DNAH5: variants seen among roughly 807,000 people sequenced by gnomAD.
DNAH5 encodes the protein dynein axonemal heavy chain 5, also known as axonemal beta dynein heavy chain 5.
Under a neutral mutation model 518.2 loss-of-function variants are expected in DNAH5, and 372 were observed. That is an observed-to-expected ratio of 0.72 (90% CI 0.66 to 0.78). The LOEUF (loss-of-function observed/expected upper bound fraction) is 0.78, where lower values mean the gene tolerates loss of function less well. Ranked by LOEUF, DNAH5 falls within the 30% of genes least tolerant of loss-of-function variation. The pLI is 0.00. For missense variants in DNAH5, 5,523 were observed against 5,687.0 expected (o/e 0.97, Z 0.93); for synonymous variants, 2,039 against 2,025.9 (o/e 1.01, Z -0.17).
intron 41 of DNAH5, among the ~76,000 whole-genome samples, chr5:13,818,093 A>ATT (rs1268034471): frequency 6.6e-6 from 1 of 152,122 alleles, no homozygotes; most frequent in Non-Finnish European, 1.5e-5. Context: ...ATCAGCTTTG[A>ATT]TTTGTGTTAT....
rs141369170 is a variant in DNAH5, at chr5:13,830,703, G to T, written c.5955C>A (p.Gly1985=). ...GGAPAGPAGT[G]KTETTKDMGR... is the part of the protein sequence containing the mutation. The stretch of plus-strand genomic sequence containing the variant: ...CCATGTCTTTAGTGGTTTCTGTTTT[G>T]CCTGTGCCTGCAGGTCCAGCAGGGG... The change falls in exon 36 of 79, where the codon GGC becomes GGA. Residue 1985 remains glycine (G), a synonymous_variant. Coordinates refer to ENST00000265104, the MANE Select transcript of DNAH5 (RefSeq NM_001369.3). The T allele has an allele frequency of 1.9e-6, 3 of 1,613,986 alleles. No homozygotes were observed. In the African/African-American group the frequency reaches 4.0e-5, roughly 22 times the overall value.
chr5:13,914,739 A>G, intron 9 of DNAH5, 97 bp from the exon 10 acceptor site: 1 of 1,242,900 alleles, frequency 8.0e-7, no homozygotes, highest in African/African-American at 1.5e-5. Flanking sequence ...CTCAGAGTTC[A>G]CAATCTTCTA....
intron 29 of DNAH5, among the ~76,000 whole-genome samples, chr5:13,859,848 T>C (rs1297664139): frequency 1.3e-5 from 2 of 151,946 alleles, no homozygotes; most frequent in Non-Finnish European, 2.9e-5. Flanking sequence ...ATCTAAGGAG[T>C]AGATCAGGCA....
intron 47 of DNAH5, among the ~76,000 whole-genome samples, chr5:13,800,318 T>G (rs2126953954): frequency 6.6e-6 from 1 of 152,326 alleles, no homozygotes; most frequent in East Asian, 1.9e-4. Context: ...ACTGTATACT[T>G]GGACATCTGA....
intron 1 of DNAH5, among the ~76,000 whole-genome samples, chr5:13,972,926 T>C (rs1428766297): frequency 1.3e-5 from 2 of 152,288 alleles, no homozygotes; most frequent in South Asian, 2.1e-4. Context: ...CTGGGCAACA[T>C]AGCAAGACCC....
chr5:13,813,457 G>GAAAAA (rs374318289), intron 43 of DNAH5, among the ~76,000 whole-genome samples: 2 of 136,756 alleles, frequency 1.5e-5, no homozygotes, highest in Non-Finnish European at 3.1e-5. Context: ...GCACTTAAAA[G>GAAAAA]AAAAAAAAAA....
At position 13,820,479 on chromosome 5, in the gene DNAH5, G is replaced by A. The variant is rs1218457426; in HGVS notation, c.6708C>T (p.Ile2236=). The change falls in exon 41 of 79, where the codon ATC becomes ATT. Residue 2236 remains isoleucine (I), a synonymous_variant. Transcript: ENST00000265104. ...ISRQVEEAGL[I]NHPPWKLKVI... ...CCTTCAGTTTCCAAGGAGGATGGTTGATTAAACCAGCTTCTTCAACCTGAA... is the reference window on the plus strand; with the variant it reads ...CCTTCAGTTTCCAAGGAGGATGGTTAATTAAACCAGCTTCTTCAACCTGAA... 2 of 1,614,048 alleles carry A rather than the reference G, an allele frequency of 1.2e-6. No homozygotes were observed. Among genetic ancestry groups the A allele is most frequent in the Non-Finnish European group, 1.7e-6 (2 of 1,180,026 alleles).
chr5:13,714,910 G>T (rs1281872281), intron 74 of DNAH5, among the ~76,000 whole-genome samples: 1 of 152,168 alleles, frequency 6.6e-6, no homozygotes, highest in Non-Finnish European at 1.5e-5. Context: ...TAGAAAGGGA[G>T]CTGTGGATTG....
intron 35 of DNAH5, 59 bp downstream of exon 35, chr5:13,839,297 T>C: frequency 1.9e-6 from 3 of 1,542,160 alleles, no homozygotes; most frequent in Non-Finnish European, 2.7e-6. Context: ...TAAGCAAAAA[T>C]CCCCTGAGCA....
In DNAH5 at chr5:13,940,443, A is replaced by C. The variant is rs539010439; in HGVS notation, c.57+3939T>G. On this transcript the variant is annotated intron_variant, in intron 1 of 78. Transcript: ENST00000265104. Reference sequence around the variant, plus strand: ...TATATAATATGTCACCATTCACGTTATATATGGCACAGGAGTGGAATTCCA... The same window carrying C: ...TATATAATATGTCACCATTCACGTTCTATATGGCACAGGAGTGGAATTCCA... 3.4e-3 allele frequency among the ~76,000 whole-genome samples: 518 copies of C among 152,314 alleles called. 4 individuals carry two copies. Among genetic ancestry groups the C allele is most frequent in the Middle Eastern group, 0.01 (3 of 294 alleles).
In DNAH5 at chr5:13,776,546, G is replaced by A. The variant is rs759831156; in HGVS notation, c.9266C>T (p.Ser3089Leu). Residue 3089 changes from serine (S) to leucine (L), a missense_variant, in exon 55 of 79, where the codon TCG becomes TTG. By Grantham distance (145) the Ser-to-Leu change is moderately radical. Coordinates refer to ENST00000265104, the MANE Select transcript of DNAH5 (RefSeq NM_001369.3). ...RQNLHIVLCF[S>L]PVGEKFRNRA... The stretch of plus-strand genomic sequence containing the variant: ...GTTTCGAAATTTCTCCCCCACTGGC[G>A]AGAAGCAGAGCACAATATGAAGGTT... 6.8e-6 allele frequency: 11 copies of A among 1,613,772 alleles called. No individual in the cohort carries two copies. Among genetic ancestry groups the A allele is most frequent in the Middle Eastern group, 1.6e-4 (1 of 6,080 alleles).
At chr5:13,872,475 G>T (rs4701996) in intron 22 of DNAH5, among the ~76,000 whole-genome samples, 27,825 of 152,092 alleles carry the variant, frequency 0.18, 3,166 homozygotes, top group South Asian at 0.31. Flanking sequence ...AGAGACCCCA[G>T]ATACTTCTTA....
intron 21 of DNAH5, among the ~76,000 whole-genome samples, chr5:13,880,960 C>T (rs540000567): frequency 4.6e-5 from 7 of 151,806 alleles, no homozygotes; most frequent in Non-Finnish European, 5.9e-5. Flanking sequence ...CCTTAAAGTT[C>T]ACTCACAGAT....
intron 1 of DNAH5, among the ~76,000 whole-genome samples, chr5:13,953,596 C>G (rs974840626): frequency 7.9e-5 from 12 of 152,188 alleles, no homozygotes; most frequent in Admixed American, 2.0e-4. Flanking sequence ...ATAGCCCTTA[C>G]TTGGTGATTC....
chr5:13,966,257 G>A (rs1352654008), intron 1 of DNAH5, among the ~76,000 whole-genome samples: 11 of 151,880 alleles, frequency 7.2e-5, no homozygotes, highest in South Asian at 2.1e-4. Flanking sequence ...TTATCCACTC[G>A]TCAATTGATG....
At chr5:13,927,312 T>G (rs1777984916) in intron 3 of DNAH5, among the ~76,000 whole-genome samples, 1 of 152,090 alleles carries the variant, frequency 6.6e-6, no homozygotes, top group Admixed American at 6.5e-5. Flanking sequence ...GCCAACATGC[T>G]GAAACCCCGT....
chr5:13,951,773 C>G (rs1780433722), intron 1 of DNAH5, among the ~76,000 whole-genome samples: 1 of 152,094 alleles, frequency 6.6e-6, no homozygotes, highest in Admixed American at 6.5e-5. Context: ...TCCAGTTTCC[C>G]TGAGGGATCA....
At chr5:13,976,581 A>C (rs1165252117) in intron 1 of DNAH5, among the ~76,000 whole-genome samples, 1 of 152,080 alleles carries the variant, frequency 6.6e-6, no homozygotes, top group Non-Finnish European at 1.5e-5. Context: ...ATATTGTTGT[A>C]ATTGTTCCAT....
At chr5:13,706,057 C>A (rs975347830) in intron 76 of DNAH5, among the ~76,000 whole-genome samples, 1 of 152,118 alleles carries the variant, frequency 6.6e-6, no homozygotes, top group Non-Finnish European at 1.5e-5. Flanking sequence ...TTATGGCAGT[C>A]AAAAAATCCT....
Sources: allele counts gnomAD v4.1 joint callset (sites outside exome capture counted in the v4.1 genomes callset), GRCh38; gene constraint gnomAD v4.1.1; transcripts MANE v1.5; gene names NCBI Gene and HGNC (gene_info 2026-07-23, HGNC 2026-07-21).